The following FAM162B variants were observed in gnomAD, a reference collection of about 807,000 sequenced individuals.
FAM162B encodes family with sequence similarity 162 member B, also known as protein FAM162B.
A neutral mutation model predicts 20.0 loss-of-function variants in FAM162B; 16 were observed. The ratio of observed to expected loss-of-function variants is 0.80; its 90% CI spans 0.54 to 1.21. The LOEUF (loss-of-function observed/expected upper bound fraction) is 1.21, where lower values mean the gene tolerates loss of function less well. FAM162B is among the 50% of genes most tolerant of loss of function. The pLI, the probability that FAM162B is intolerant of heterozygous loss-of-function variation, is 0.00. For synonymous variants in FAM162B, 83 were observed against 89.7 expected (o/e 0.93, Z 0.42); for missense variants, 260 against 227.5 (o/e 1.14, Z -0.92).
intron 3 of FAM162B, among the ~76,000 whole-genome samples, chr6:116,759,591 G>A (rs1780111572): frequency 6.6e-6 from 1 of 152,122 alleles, no homozygotes; most frequent in Non-Finnish European, 1.5e-5. Flanking sequence ...ACAGGCGTGA[G>A]CCACCGCGCC....
chr6:116,764,801 T>A (rs755063979), intron 2 of FAM162B, among the ~76,000 whole-genome samples: 4 of 152,026 alleles, frequency 2.6e-5, no homozygotes, highest in African/African-American at 4.8e-5. Context: ...CCGGCAGCCA[T>A]CCGGATGCTC....
intron 2 of FAM162B, among the ~76,000 whole-genome samples, chr6:116,763,926 C>T (rs1771855445): frequency 6.6e-6 from 1 of 152,002 alleles, no homozygotes; most frequent in Non-Finnish European, 1.5e-5. Flanking sequence ...GTCTATAGAT[C>T]TCGAGGAAAA....
At chr6:116,759,932 T>C (rs764680881) in intron 3 of FAM162B, among the ~76,000 whole-genome samples, 1 of 152,166 alleles carries the variant, frequency 6.6e-6, no homozygotes, top group Non-Finnish European at 1.5e-5. Flanking sequence ...AGAGAGGACG[T>C]CCCTGACCAC....
At chr6:116,759,595 C>A (rs1295888759) in intron 3 of FAM162B, among the ~76,000 whole-genome samples, 1 of 152,144 alleles carries the variant, frequency 6.6e-6, no homozygotes, top group East Asian at 1.9e-4. Flanking sequence ...GCGTGAGCCA[C>A]CGCGCCCGGC....
At chr6:116,765,286 G>A (rs947101536) in intron 1 of FAM162B, 31 bp from the exon 2 acceptor site, 1 of 1,607,890 alleles carries the variant, frequency 6.2e-7, no homozygotes. Flanking sequence ...ATGGACGCGG[G>A]AACTGACGCA....
chr6:116,757,136 T>C (rs1780060410), intron 3 of FAM162B, among the ~76,000 whole-genome samples: 1 of 152,170 alleles, frequency 6.6e-6, no homozygotes, highest in African/African-American at 2.4e-5. Flanking sequence ...CTGAAGAACA[T>C]CAGGGAGGGT....
rs887596377 is a variant in FAM162B, at chr6:116,753,829, A to C, written c.391-1134T>G. On this transcript the variant is annotated intron_variant, in intron 3 of 3. Transcript: ENST00000368557. ...AAAGACTGATCCATGGGGAGATTCCACTGTTATGAGGTCCAGGAGAATAGG... is the reference window on the plus strand; with the variant it reads ...AAAGACTGATCCATGGGGAGATTCCCCTGTTATGAGGTCCAGGAGAATAGG... Among the ~76,000 whole-genome samples the C allele has an allele frequency of 2.0e-5, 3 of 152,190 alleles. No homozygotes were observed. The South Asian group carries it at 6.2e-4, about 31-fold the overall frequency.
In FAM162B at chr6:116,754,287, C is replaced by T. The variant is rs73765848; in HGVS notation, c.391-1592G>A. 6.2e-3 allele frequency among the ~76,000 whole-genome samples: 946 copies of T among 152,172 alleles called. 11 individuals carry two copies. Among genetic ancestry groups the T allele is most frequent in the African/African-American group, 0.022 (923 of 41,520 alleles). On this transcript the variant is annotated intron_variant, in intron 3 of 3. Coordinates refer to ENST00000368557, the MANE Select transcript of FAM162B (RefSeq NM_001085480.3). Reference sequence around the variant, plus strand: ...TCCAGTAGATTGAACTCAGATTGAGCAGAATCTGAGGGAGGGAAGATACTG... The same window carrying T: ...TCCAGTAGATTGAACTCAGATTGAGTAGAATCTGAGGGAGGGAAGATACTG...
intron 3 of FAM162B, among the ~76,000 whole-genome samples, chr6:116,756,230 T>C (rs1276421512): frequency 1.3e-5 from 2 of 152,154 alleles, no homozygotes; most frequent in African/African-American, 4.8e-5. Context: ...TCAATATTAA[T>C]AGGAGTTCGG....
At chr6:116,760,803 T>C (rs1349779215) in intron 3 of FAM162B, among the ~76,000 whole-genome samples, 1 of 152,202 alleles carries the variant, frequency 6.6e-6, no homozygotes, top group African/African-American at 2.4e-5. Flanking sequence ...ATTTATATAA[T>C]ATCAGTAGGC....
Position 116,765,124 on chromosome 6 carries a change from C to T in FAM162B, c.281+23G>A, listed in dbSNP as rs200676337. On this transcript the variant is annotated intron_variant, in intron 2 of 3. Coordinates refer to ENST00000368557, the MANE Select transcript of FAM162B (RefSeq NM_001085480.3). ...TTGCGGCCGGGGACCGACTCTCCTT[C>T]GCGCGGCGGTCGCCACACTTACGGG... 6.1e-5 allele frequency: 98 copies of T among 1,608,576 alleles called. No individual in the cohort carries two copies. The East Asian group carries it at 2.2e-3, about 36-fold the overall frequency.
rs375099409 is a variant in FAM162B at position 116,752,695 on chromosome 6, C to T, written c.391G>A (p.Ala131Thr). 2.1e-5 allele frequency: 31 copies of T among 1,478,268 alleles called. No individual in the cohort carries two copies. The highest frequency in any genetic ancestry group is 3.3e-5 in the African/African-American group (2 of 59,844). The allele number at this position is 1,478,268 out of a possible 1,614,324, so 91.6% of individuals were successfully genotyped here. ...GTTAAGGATTCATGTCGTTCTACAG[C>T]CTGTGGGGGGGAAGAAATATATATA... Reference protein sequence around the residue: ...CFAVIVSAKRAVERHESLTSW... With the variant: ...CFAVIVSAKRTVERHESLTSW... The change falls in exon 4 of 4, where the codon GCT becomes ACT. Residue 131 changes from alanine (A) to threonine (T), a missense_variant and splice_region_variant. Coordinates refer to ENST00000368557, the MANE Select transcript of FAM162B (RefSeq NM_001085480.3).
Position 116,761,903 on chromosome 6 carries a change from T to C in FAM162B, c.390+74A>G, listed in dbSNP as rs192318565. Reference sequence around the variant, plus strand: ...GGAGGTACTCACCCTTTTGGTGAGATACTCTTTTAGGGAGGTACTTAAAAA... The same window carrying C: ...GGAGGTACTCACCCTTTTGGTGAGACACTCTTTTAGGGAGGTACTTAAAAA... On this transcript the variant is annotated intron_variant, in intron 3 of 3. Transcript: ENST00000368557. 226 of 1,081,160 alleles carry C rather than the reference T, an allele frequency of 2.1e-4. 3 individuals are homozygous for C. In the East Asian group the frequency reaches 5.6e-3, roughly 27 times the overall value. The allele number at this position is 1,081,160 out of a possible 1,614,324, so 67.0% of individuals were successfully genotyped here. A position where few individuals can be genotyped will look rare whatever the true frequency, so the allele number is the denominator to read the frequency against.
Position 116,761,753 on chromosome 6 carries a change from C to CAT in FAM162B, c.390+222_390+223dup, listed in dbSNP as rs201994105. Among the ~76,000 whole-genome samples the CAT allele has an allele frequency of 1.5e-3, 219 of 146,056 alleles. 3 individuals carry two copies. The highest frequency in any genetic ancestry group is 0.011 in the Middle Eastern group (3 of 278). On this transcript the variant is annotated intron_variant, in intron 3 of 3. Coordinates refer to ENST00000368557, the MANE Select transcript of FAM162B (RefSeq NM_001085480.3). Reference sequence around the variant, plus strand: ...ATATATACACACACACACACACACACATATATATATATATGACTTCAAGTC... The same window carrying CAT: ...ATATATACACACACACACACACACACATATATATATATATATGACTTCAAGTC...
At chr6:116,761,662 A>ATATATGTATATATACT (rs1480577767) in intron 3 of FAM162B, among the ~76,000 whole-genome samples, 55 of 67,830 alleles carry the variant, frequency 8.1e-4, no homozygotes, top group Non-Finnish European at 1.3e-3. Context: ...ATATATACTT[A>ATATATGTATATATACT]TATATATACT....
rs764394560 is a variant in FAM162B at position 116,752,716 on chromosome 6, ATATATATATATATATATAGATACACG to A, written c.391-47_391-22del. ...ACAGCCTGTGGGGGGGAAGAAATAT[ATATATATATATATATATAGATACACG>A]TATATATATATATATACATATATGT... On this transcript the variant is annotated intron_variant, in intron 3 of 3. Transcript: ENST00000368557. 1.1e-4 allele frequency: 31 copies of A among 281,592 alleles called. No individual in the cohort carries two copies. In the African/African-American group the frequency reaches 2.5e-3, roughly 22 times the overall value. 17.4% of individuals were successfully genotyped at this position (281,592 alleles called of 1,614,324 possible).
At chr6:116,755,159 T>C (rs1780038461) in intron 3 of FAM162B, among the ~76,000 whole-genome samples, 1 of 152,216 alleles carries the variant, frequency 6.6e-6, no homozygotes, top group Non-Finnish European at 1.5e-5. Flanking sequence ...AAAAAAGGCA[T>C]GTTGAAAACC....
chr6:116,762,635 G>C (rs1771816901), intron 2 of FAM162B, among the ~76,000 whole-genome samples: 1 of 151,758 alleles, frequency 6.6e-6, no homozygotes, highest in Admixed American at 6.6e-5. Context: ...CATGGCTTTT[G>C]CAATAATTTT....
intron 2 of FAM162B, among the ~76,000 whole-genome samples, chr6:116,763,881 C>T (rs1771854589): frequency 6.6e-6 from 1 of 151,296 alleles, no homozygotes; most frequent in East Asian, 1.9e-4. Flanking sequence ...TTTTCTGAGG[C>T]TAACTTTTGC....
Sources: gnomAD v4.1 joint callset for allele counts (sites outside exome capture counted in the v4.1 genomes callset) on GRCh38, gnomAD v4.1.1 for gene constraint, MANE v1.5 for transcripts, NCBI Gene and HGNC (gene_info 2026-07-23, HGNC 2026-07-21) for gene names.